PTPRN2: variants seen among roughly 807,000 people sequenced by gnomAD.
The protein encoded by PTPRN2 is receptor-type tyrosine-protein phosphatase N2.
Under a neutral mutation model 118.8 loss-of-function variants are expected in PTPRN2, and 74 were observed. The observed-to-expected ratio is 0.62, with a 90% confidence interval of 0.52 to 0.76. The LOEUF is 0.76. PTPRN2 is among the 30% of genes least tolerant of loss of function. The pLI is 0.00. For missense variants in PTPRN2, 1,481 were observed against 1,394.4 expected, an observed-to-expected ratio of 1.06 and a Z score of -0.99; for synonymous variants, 641 against 608.0, an observed-to-expected ratio of 1.05 and a Z score of -0.80.
At chr7:158,568,907 C>T (rs1401330390) in intron 1 of PTPRN2, among the ~76,000 whole-genome samples, 1 of 152,154 alleles carries the variant, frequency 6.6e-6, no homozygotes, top group Non-Finnish European at 1.5e-5. Context: ...GGGAGGAACA[C>T]TTTAGCCCAG....
chr7:157,878,124 TAA>T (rs758499012), intron 12 of PTPRN2, among the ~76,000 whole-genome samples: 3 of 152,188 alleles, frequency 2.0e-5, no homozygotes, highest in Non-Finnish European at 2.9e-5. Flanking sequence ...TAGGAATTTA[TAA>T]GTGTAAGAGA....
At chr7:158,403,744 C>A (rs532312540) in intron 2 of PTPRN2, among the ~76,000 whole-genome samples, 4 of 152,304 alleles carry the variant, frequency 2.6e-5, no homozygotes, top group African/African-American at 9.6e-5. Flanking sequence ...CACCCCCACT[C>A]TGAAAACTCC....
At chr7:158,319,510 C>CTCACACACGCACACAGCCTCCCTTGT (rs1802685038) in intron 2 of PTPRN2, among the ~76,000 whole-genome samples, 2 of 41,568 alleles carry the variant, frequency 4.8e-5, no homozygotes, top group Admixed American at 2.3e-4. Context: ...AGCCTCCCCC[C>CTCACACACGCACACAGCCTCCCTTGT]ACACACACAG....
intron 12 of PTPRN2, among the ~76,000 whole-genome samples, chr7:157,791,890 G>A (rs1393762831): frequency 6.6e-6 from 1 of 152,228 alleles, no homozygotes. Context: ...CAGATCAGAG[G>A]GGCGCACGCG....
At chr7:158,222,798 C>A (rs1828469777) in intron 3 of PTPRN2, among the ~76,000 whole-genome samples, 2 of 150,874 alleles carry the variant, frequency 1.3e-5, no homozygotes, top group African/African-American at 2.4e-5. Context: ...CACAATAAAC[C>A]CAAATAAAGT....
intron 2 of PTPRN2, among the ~76,000 whole-genome samples, chr7:158,337,585 G>T (rs1278010958): frequency 7.6e-6 from 1 of 130,828 alleles, no homozygotes; most frequent in African/African-American, 3.0e-5. Context: ...GACACCTGCA[G>T]ACGTCACTCA....
intron 12 of PTPRN2, among the ~76,000 whole-genome samples, chr7:157,762,487 C>T (rs918236268): frequency 9.9e-5 from 15 of 150,948 alleles, no homozygotes; most frequent in African/African-American, 2.4e-4. Flanking sequence ...AGTAAACTAT[C>T]GCAAAAACAA....
intron 2 of PTPRN2, among the ~76,000 whole-genome samples, chr7:158,384,025 G>T (rs188171562): frequency 7.2e-5 from 11 of 152,208 alleles, no homozygotes; most frequent in Admixed American, 2.6e-4. Flanking sequence ...CCATTTTCAG[G>T]GACAGAACTT....
intron 11 of PTPRN2, among the ~76,000 whole-genome samples, chr7:157,915,500 A>C (rs1303402857): frequency 6.9e-6 from 1 of 143,984 alleles, no homozygotes; most frequent in African/African-American, 2.6e-5. Context: ...GAACGCAAGC[A>C]GTTTACCATC....
At chr7:158,353,142 C>T (rs1468897087) in intron 2 of PTPRN2, among the ~76,000 whole-genome samples, 2 of 152,358 alleles carry the variant, frequency 1.3e-5, no homozygotes, top group Admixed American at 6.5e-5. Flanking sequence ...CCTCCACAGC[C>T]GTGCTGCCCA....
At chr7:157,594,016 G>A (rs867296090) in intron 17 of PTPRN2, among the ~76,000 whole-genome samples, 19 of 152,216 alleles carry the variant, frequency 1.2e-4, no homozygotes, top group East Asian at 5.8e-4. Context: ...AGATCCTGGC[G>A]TCATCCGAGC....
chr7:158,324,715 GC>G (rs59818382), intron 2 of PTPRN2, among the ~76,000 whole-genome samples: 142,524 of 151,880 alleles, frequency 0.94, 66,964 homozygotes, highest in Non-Finnish European at 0.96. Flanking sequence ...TGCCCAGGGT[GC>G]CCCCAGAGGG....
At chr7:157,935,992 G>T (rs73167716) in intron 11 of PTPRN2, among the ~76,000 whole-genome samples, 1,892 of 152,032 alleles carry the variant, frequency 0.012, 14 homozygotes, top group Non-Finnish European at 0.019. Context: ...TCCCTCAGGG[G>T]GGGTTTAGAC....
Position 158,167,270 on chromosome 7 carries a change from T to G in PTPRN2, c.571A>C (p.Ser191Arg). The G allele has an allele frequency of 6.2e-7, 1 of 1,604,188 alleles. No homozygotes were observed. The highest frequency in any genetic ancestry group is 8.5e-7 in the Non-Finnish European group (1 of 1,174,892). Reference sequence around the variant, plus strand: ...GTGTGGGCCACATAGGTCAGGATGCTCTCGGAGAAGCGGTCATCACCCTGA... The same window carrying G: ...GTGTGGGCCACATAGGTCAGGATGCGCTCGGAGAAGCGGTCATCACCCTGA... The part of the protein sequence containing the change: ...PAEGDDRFSE[S>R]ILTYVAHTSA... Residue 191 changes from serine (S) to arginine (R), a missense_variant, in exon 6 of 23, where the codon AGC becomes CGC. By Grantham distance (110) the Ser-to-Arg change is moderately radical (BLOSUM62 -1). Around this residue, in one of 3 missense-constraint regions of PTPRN2, gnomAD observed 1,115 missense variants for 994.2 expected, o/e 1.12. Transcript: ENST00000389418.
chr7:157,613,321 G>A (rs1038043317), intron 15 of PTPRN2, among the ~76,000 whole-genome samples: 1 of 152,344 alleles, frequency 6.6e-6, no homozygotes, highest in African/African-American at 2.4e-5. Flanking sequence ...TCTTCTCACA[G>A]ACACAAAACC....
At chr7:158,485,032 G>A (rs1820905623) in intron 2 of PTPRN2, among the ~76,000 whole-genome samples, 1 of 152,050 alleles carries the variant, frequency 6.6e-6, no homozygotes, top group African/African-American at 2.4e-5. Flanking sequence ...GGCCGCCAGC[G>A]TCCCGGGAGG....
Position 157,822,702 on chromosome 7 carries a change from C to T in PTPRN2, c.1788+75971G>A, listed in dbSNP as rs773718023. Reference sequence around the variant, plus strand: ...ACACTATCCATTATCTATCCATCCACTCTTCTATCCACCCATCCACTATCC... The same window carrying T: ...ACACTATCCATTATCTATCCATCCATTCTTCTATCCACCCATCCACTATCC... On this transcript the variant is annotated intron_variant, in intron 12 of 22. Coordinates refer to ENST00000389418, the MANE Select transcript of PTPRN2 (RefSeq NM_002847.5). 1.6e-3 allele frequency among the ~76,000 whole-genome samples: 245 copies of T among 152,152 alleles called. 1 individual carries two copies. Among genetic ancestry groups the T allele is most frequent in the Non-Finnish European group, 3.1e-3 (213 of 67,998 alleles).
At chr7:157,889,530 C>T (rs1796673427) in intron 12 of PTPRN2, among the ~76,000 whole-genome samples, 2 of 152,226 alleles carry the variant, frequency 1.3e-5, no homozygotes, top group South Asian at 4.1e-4. Context: ...ATGTCCTCAG[C>T]TTCACCTTTT....
intron 12 of PTPRN2, among the ~76,000 whole-genome samples, chr7:157,843,436 C>A (rs973278334): frequency 1.3e-5 from 2 of 152,226 alleles, no homozygotes; most frequent in African/African-American, 4.8e-5. Flanking sequence ...TCAGTCCATG[C>A]CCACTGCCTG....
Sources: allele counts gnomAD v4.1 joint callset (sites outside exome capture counted in the v4.1 genomes callset), GRCh38; gene constraint gnomAD v4.1.1; regional missense constraint gnomAD v4.1.1; transcripts MANE v1.5; gene names NCBI Gene and HGNC (gene_info 2026-07-23, HGNC 2026-07-21).